FAM149A: variants seen among roughly 807,000 people sequenced by gnomAD.
The protein encoded by FAM149A is protein FAM149A.
In FAM149A, 71 loss-of-function variants were observed where a neutral mutation model predicts 78.2. That is an observed-to-expected ratio of 0.91 (90% CI 0.75 to 1.11). The LOEUF (loss-of-function observed/expected upper bound fraction) is 1.11. Ranked by LOEUF, FAM149A falls within the 50% of genes least tolerant of loss-of-function variation. The pLI is 0.00. For synonymous variants in FAM149A, 446 were observed against 410.5 expected (o/e 1.09, Z -1.04); for missense variants, 1,036 against 971.0 (o/e 1.07, Z -0.89).
rs367927169 is a variant in FAM149A, at chr4:186,167,099, G to C, written c.2139+3G>C. 1 of 1,611,204 alleles carries C rather than the reference G, an allele frequency of 6.2e-7. No individual in the cohort carries two copies. The highest frequency in any genetic ancestry group is 8.5e-7 in the Non-Finnish European group (1 of 1,177,826). On this transcript the variant is annotated splice_donor_region_variant and intron_variant, in intron 12 of 13. Coordinates refer to ENST00000389354, the MANE Select transcript of FAM149A (RefSeq NM_001367768.3). ...CCAGCACAACCCACACGTTCCGGGT[G>C]GGTTCTCTGTTTCCTGTAACTTTAA...
At position 186,126,048 on chromosome 4, in the gene FAM149A, G is replaced by C. The variant is rs984086614; in HGVS notation, c.566+20406G>C. Reference sequence around the variant, plus strand: ...CCTCCCTTATATTCCTGTTTGGGTGGTGTTTCCCAGACTCCTGTGGGATCT... The same window carrying C: ...CCTCCCTTATATTCCTGTTTGGGTGCTGTTTCCCAGACTCCTGTGGGATCT... On this transcript the variant is annotated intron_variant, in intron 1 of 13. Transcript: ENST00000389354. 5.1e-6 allele frequency: 5 copies of C among 985,244 alleles called. No homozygotes were observed. The African/African-American group carries it at 8.7e-5, about 17-fold the overall frequency. The allele number at this position is 985,244 out of a possible 1,614,324, so 61.0% of individuals were successfully genotyped here. A position where few individuals can be genotyped will look rare whatever the true frequency, so the allele number is the denominator to read the frequency against.
chr4:186,158,722 AC>A (rs1303087109), intron 8 of FAM149A: 2 of 1,017,964 alleles, frequency 2.0e-6, no homozygotes, highest in Non-Finnish European at 1.2e-6. Context: ...AGGTGCAGGT[AC>A]CCCCTGTGCC....
At chr4:186,125,814 G>A in intron 1 of FAM149A, 5 of 985,238 alleles carry the variant, frequency 5.1e-6, no homozygotes, top group South Asian at 9.4e-5. Flanking sequence ...CGTTTGGAAG[G>A]GAGGCCAAAA....
At chr4:186,171,815 A>T (rs1735558414) in intron 13 of FAM149A, 99 bp from the exon 14 acceptor site, 1 of 777,022 alleles carries the variant, frequency 1.3e-6, no homozygotes, top group Admixed American at 3.8e-5. Flanking sequence ...AATAAAATAT[A>T]TATTTTAAAG....
At chr4:186,108,424 A>C (rs1041589444) in intron 1 of FAM149A, among the ~76,000 whole-genome samples, 5 of 147,458 alleles carry the variant, frequency 3.4e-5, no homozygotes, top group Non-Finnish European at 6.1e-5. Context: ...AAAAAAAAAA[A>C]ACAAAAAACT....
At chr4:186,106,025 C>T (rs2099308629) in intron 1 of FAM149A, among the ~76,000 whole-genome samples, 1 of 152,196 alleles carries the variant, frequency 6.6e-6, no homozygotes, top group Admixed American at 6.5e-5. Context: ...ATACACACGT[C>T]TGCAGCAAGT....
chr4:186,169,996 T>C, intron 13 of FAM149A: 1 of 930,080 alleles, frequency 1.1e-6, no homozygotes, highest in Non-Finnish European at 1.3e-6. Context: ...ATTTTTTTAA[T>C]GCTTCAAAGT....
chr4:186,124,167 A>T, intron 1 of FAM149A: 12 of 985,430 alleles, frequency 1.2e-5, no homozygotes, highest in Non-Finnish European at 1.4e-5. Context: ...TCCTGTGAGT[A>T]GGAAATGCAA....
intron 1 of FAM149A, chr4:186,123,505 C>A: frequency 2.7e-6 from 1 of 375,102 alleles, no homozygotes; most frequent in Non-Finnish European, 3.7e-6. Context: ...GTTGCATTTT[C>A]AATGAGCAGC....
intron 13 of FAM149A, chr4:186,169,394 G>A (rs545901535): frequency 1.0e-6 from 1 of 985,314 alleles, no homozygotes; most frequent in African/African-American, 1.7e-5. Flanking sequence ...CGTGCCCCAT[G>A]CAGACGTCCC....
At chr4:186,170,447 A>T (rs1451952075) in intron 13 of FAM149A, among the ~76,000 whole-genome samples, 1 of 152,240 alleles carries the variant, frequency 6.6e-6, no homozygotes, top group Non-Finnish European at 1.5e-5. Context: ...GAGCCTACTT[A>T]AGGTCAACCC....
At chr4:186,109,590 G>A (rs758053490) in intron 1 of FAM149A, 1 of 985,036 alleles carries the variant, frequency 1.0e-6, no homozygotes, top group African/African-American at 1.7e-5. Flanking sequence ...TGATAATATG[G>A]AGGTGATAAT....
intron 13 of FAM149A, among the ~76,000 whole-genome samples, chr4:186,170,674 G>A (rs547118862): frequency 6.6e-6 from 1 of 152,296 alleles, no homozygotes; most frequent in South Asian, 2.1e-4. Context: ...AGGGGTCCCT[G>A]GGGCACCAAG....
Position 186,105,627 on chromosome 4 carries a change from C to G in FAM149A, c.551C>G (p.Ser184Cys). The change falls in exon 1 of 14, where the codon TCC becomes TGC. Residue 184 changes from serine (S) to cysteine (C), a missense_variant. This residue lies in a region of FAM149A where 316 missense variants were observed against 241.9 expected (regional missense o/e 1.31). Coordinates refer to ENST00000389354, the MANE Select transcript of FAM149A (RefSeq NM_001367768.3). Reference sequence around the variant, plus strand: ...GAGGAGGGGGCCTCGGACGGCGACTCCGGGGATGGCGAAGCGTGAGTAGCA... The same window carrying G: ...GAGGAGGGGGCCTCGGACGGCGACTGCGGGGATGGCGAAGCGTGAGTAGCA... The G allele has an allele frequency of 1.9e-6, 2 of 1,059,756 alleles. No individual in the cohort carries two copies. Among genetic ancestry groups the G allele is most frequent in the Non-Finnish European group, 2.3e-6 (2 of 871,856 alleles). 65.6% of individuals were successfully genotyped at this position (1,059,756 alleles called of 1,614,324 possible). A position where few individuals can be genotyped will look rare whatever the true frequency, so the allele number is the denominator to read the frequency against.
chr4:186,136,999 TCTCTC>T (rs2099323534), intron 1 of FAM149A, among the ~76,000 whole-genome samples: 3 of 143,214 alleles, frequency 2.1e-5, no homozygotes, highest in African/African-American at 7.7e-5. Context: ...TCTCTCTCTC[TCTCTC>T]TCTCTCTCTC....
intron 13 of FAM149A, among the ~76,000 whole-genome samples, chr4:186,168,113 G>A (rs952799433): frequency 5.3e-5 from 8 of 152,152 alleles, no homozygotes; most frequent in East Asian, 1.9e-4. Context: ...TAAGCATTGC[G>A]TAGCACAGAT....
chr4:186,158,217 T>G, intron 8 of FAM149A: 2 of 1,274,544 alleles, frequency 1.6e-6, no homozygotes, highest in Non-Finnish European at 1.0e-6. Context: ...CCTGGAACCT[T>G]CACTCGCCAG....
At chr4:186,157,252 T>G (rs1002362293) in intron 7 of FAM149A, among the ~76,000 whole-genome samples, 1 of 152,388 alleles carries the variant, frequency 6.6e-6, no homozygotes, top group Non-Finnish European at 1.5e-5. Context: ...TTAATCAATT[T>G]GTACAATAAG....
intron 1 of FAM149A, among the ~76,000 whole-genome samples, chr4:186,142,637 T>TC (rs534927268): frequency 7.4e-4 from 113 of 152,240 alleles, no homozygotes; most frequent in African/African-American, 2.6e-3. Context: ...ACGTAGAAAT[T>TC]CCAACGACTT....
Sources: allele counts gnomAD v4.1 joint callset (sites outside exome capture counted in the v4.1 genomes callset), GRCh38; gene constraint gnomAD v4.1.1; regional missense constraint gnomAD v4.1.1; transcripts MANE v1.5; gene names NCBI Gene and HGNC (gene_info 2026-07-23, HGNC 2026-07-21).